Variants in ASCC1 observed in about 807,000 individuals in gnomAD.
ASCC1 encodes the protein activating signal cointegrator 1 complex subunit 1, also known as ASC-1 complex subunit P50.
Under a neutral mutation model 46.6 loss-of-function variants are expected in ASCC1, and 35 were observed. The observed-to-expected ratio is 0.75, with a 90% confidence interval of 0.57 to 0.99. The LOEUF is 0.99. Among genes scored for constraint, ASCC1 ranks in the 50% least tolerant of loss-of-function variants. The pLI, the probability that ASCC1 is intolerant of heterozygous loss-of-function variation, is 0.00. For synonymous variants in ASCC1, 143 were observed against 146.6 expected, an observed-to-expected ratio of 0.98 and a Z score of 0.18; for missense variants, 376 against 428.7, an observed-to-expected ratio of 0.88 and a Z score of 1.09.
chr10:72,125,185 T>C (rs1454967392), intron 9 of ASCC1, among the ~76,000 whole-genome samples: 1 of 152,234 alleles, frequency 6.6e-6, no homozygotes, highest in East Asian at 1.9e-4. Context: ...ATTAAATTCT[T>C]ACAGCAATGA....
intron 5 of ASCC1, chr10:72,190,089 A>G: frequency 1.3e-6 from 1 of 758,952 alleles, no homozygotes; most frequent in East Asian, 2.4e-5. Context: ...AAAGCGCAGC[A>G]ACTGGGCTGC....
rs1037435975 is a variant in ASCC1, at chr10:72,152,887, A to T, written c.728T>A (p.Met243Lys). ...MVDVLYAKVH[M>K]KDGSNRLQEL... ...AATATACCTGTTGGAGCCATCTTTC[A>T]TATGGACTTTGGCGTAAAGAACATC... Residue 243 changes from methionine to lysine, a missense_variant, in exon 7 of 10, where the codon ATG becomes AAG. By Grantham distance (95) the Met-to-Lys change is moderately conservative. Coordinates refer to ENST00000672957, the MANE Select transcript of ASCC1 (RefSeq NM_001198800.3). 2 of 1,614,050 alleles carry T rather than the reference A, an allele frequency of 1.2e-6. No homozygotes were observed. The highest frequency in any genetic ancestry group is 1.7e-6 in the Non-Finnish European group (2 of 1,180,018).
At chr10:72,180,634 T>C (rs1589492465) in intron 5 of ASCC1, among the ~76,000 whole-genome samples, 3 of 151,110 alleles carry the variant, frequency 2.0e-5, no homozygotes, top group East Asian at 3.9e-4. Flanking sequence ...TCAAAAAATA[T>C]ATAAAAATCA....
chr10:72,104,480 T>C (rs1177769838), intron 9 of ASCC1, among the ~76,000 whole-genome samples: 1 of 152,162 alleles, frequency 6.6e-6, no homozygotes, highest in Non-Finnish European at 1.5e-5. Flanking sequence ...AAAAAGAAAC[T>C]TGGTTGCTCT....
In ASCC1 at chr10:72,133,042, C is replaced by G. The variant is rs773734112; in HGVS notation, c.871+15G>C. On this transcript the variant is annotated intron_variant, in intron 8 of 9. Transcript: ENST00000672957. The stretch of plus-strand genomic sequence containing the variant: ...GCTGATCACAAACTGTGCTATAGTT[C>G]TCTGGGGGACTTACCATTGGGGTCT... 6.2e-7 allele frequency: 1 copy of G among 1,614,052 alleles called. No homozygotes were observed. Among genetic ancestry groups the G allele is most frequent in the South Asian group, 1.1e-5 (1 of 91,074 alleles).
chr10:72,182,898 T>C (rs1336589213), intron 5 of ASCC1, among the ~76,000 whole-genome samples: 3 of 115,418 alleles, frequency 2.6e-5, no homozygotes, highest in East Asian at 5.2e-4. Context: ...GGGGGGAAAA[T>C]ATAAAGGACA....
At chr10:72,126,510 C>T (rs1007309775) in intron 9 of ASCC1, among the ~76,000 whole-genome samples, 4 of 152,288 alleles carry the variant, frequency 2.6e-5, no homozygotes, top group Middle Eastern at 3.4e-3. Context: ...ACTGCTCATA[C>T]GGCCACCCAA....
At chr10:72,109,061 C>T (rs531466285) in intron 9 of ASCC1, among the ~76,000 whole-genome samples, 1 of 152,288 alleles carries the variant, frequency 6.6e-6, no homozygotes, top group South Asian at 2.1e-4. Context: ...TCTGAAACAT[C>T]AGACTGCAGT....
At chr10:72,155,923 A>C (rs918344285) in intron 6 of ASCC1, among the ~76,000 whole-genome samples, 1 of 152,202 alleles carries the variant, frequency 6.6e-6, no homozygotes, top group Admixed American at 6.5e-5. Context: ...GTGTTCAATA[A>C]ATCTCTGGCA....
chr10:72,096,857 T>G lies in ASCC1; in HGVS notation c.*477A>C, dbSNP rs915428297. 6.6e-6 allele frequency: 3 copies of G among 453,902 alleles called. No homozygotes were observed. The highest frequency in any genetic ancestry group is 1.3e-5 in the Non-Finnish European group (3 of 226,798). 28.1% of individuals were successfully genotyped at this position (453,902 alleles called of 1,614,324 possible). ...TTCCACTTATATGAGATACTGAGAA[T>G]AGTCAAAACCAGAGAGACAGAAAGC... On this transcript the variant is annotated 3_prime_UTR_variant, in exon 10 of 10. Transcript: ENST00000672957.
At chr10:72,139,914 G>C (rs1338392736) in intron 7 of ASCC1, among the ~76,000 whole-genome samples, 2 of 152,128 alleles carry the variant, frequency 1.3e-5, no homozygotes, top group Admixed American at 1.3e-4. Flanking sequence ...ATAAAATTTT[G>C]TTATTATTTT....
At chr10:72,139,688 T>A (rs1846732109) in intron 7 of ASCC1, among the ~76,000 whole-genome samples, 1 of 152,206 alleles carries the variant, frequency 6.6e-6, no homozygotes, top group Admixed American at 6.5e-5. Context: ...AGGACCATCT[T>A]TACAAATAAG....
intron 6 of ASCC1, among the ~76,000 whole-genome samples, chr10:72,157,148 T>C (rs1849080301): frequency 6.6e-6 from 1 of 152,182 alleles, no homozygotes; most frequent in South Asian, 2.1e-4. Context: ...GCCTTGATCA[T>C]AATAAGTCTT....
intron 5 of ASCC1, among the ~76,000 whole-genome samples, chr10:72,173,574 A>T (rs1036501927): frequency 2.0e-5 from 3 of 152,126 alleles, no homozygotes; most frequent in Non-Finnish European, 4.4e-5. Context: ...TTTACAAGTA[A>T]CTCCACTGGA....
chr10:72,145,399 T>C (rs1290301499), intron 7 of ASCC1, among the ~76,000 whole-genome samples: 1 of 152,236 alleles, frequency 6.6e-6, no homozygotes, highest in African/African-American at 2.4e-5. Context: ...GCCAGGCTTT[T>C]TCTTGCCATG....
At chr10:72,123,629 C>T (rs976348318) in intron 9 of ASCC1, among the ~76,000 whole-genome samples, 14 of 151,870 alleles carry the variant, frequency 9.2e-5, no homozygotes, top group African/African-American at 2.9e-4. Context: ...AAAAAGTGAC[C>T]GCATAGTTCT....
At chr10:72,158,847 G>GT (rs1849295620) in intron 6 of ASCC1, 2 of 152,144 alleles carry the variant, frequency 1.3e-5, no homozygotes. Flanking sequence ...GGTTAGAAAT[G>GT]CCATTATTTA....
intron 5 of ASCC1, among the ~76,000 whole-genome samples, chr10:72,194,459 C>T (rs1855050545): frequency 6.6e-6 from 1 of 151,354 alleles, no homozygotes; most frequent in South Asian, 2.1e-4. Flanking sequence ...GCATAAAGTG[C>T]TATAAGATTT....
chr10:72,153,583 G>A (rs902766050), intron 6 of ASCC1, among the ~76,000 whole-genome samples: 3 of 151,708 alleles, frequency 2.0e-5, no homozygotes, highest in Non-Finnish European at 2.9e-5. Context: ...CCGCCACCAC[G>A]CCCGCCTAAT....
Sources: gnomAD v4.1 joint callset for allele counts (sites outside exome capture counted in the v4.1 genomes callset) on GRCh38, gnomAD v4.1.1 for gene constraint, MANE v1.5 for transcripts, NCBI Gene and HGNC (gene_info 2026-07-23, HGNC 2026-07-21) for gene names.